Variants in INPP4B observed in about 807,000 individuals in gnomAD.
INPP4B encodes inositol polyphosphate-4-phosphatase type II B.
A neutral mutation model predicts 122.5 loss-of-function variants in INPP4B; 55 were observed. The observed-to-expected ratio is 0.45, with a 90% confidence interval of 0.36 to 0.56. The LOEUF is 0.56. Ranked by LOEUF, INPP4B falls within the 20% of genes least tolerant of loss-of-function variation. INPP4B has a pLI of 0.00. For missense variants in INPP4B, 1,000 were observed against 1,097.7 expected (o/e 0.91, Z 1.26); for synonymous variants, 403 against 388.7 (o/e 1.04, Z -0.43).
chr4:142,498,436 T>G (rs1321234359), intron 2 of INPP4B, among the ~76,000 whole-genome samples: 2 of 152,082 alleles, frequency 1.3e-5, no homozygotes, highest in Admixed American at 6.6e-5. Flanking sequence ...ACTGTGATTT[T>G]GTGAGACAGT....
chr4:142,678,438 A>G (rs146159209), intron 2 of INPP4B, among the ~76,000 whole-genome samples: 1 of 152,046 alleles, frequency 6.6e-6, no homozygotes, highest in East Asian at 1.9e-4. Flanking sequence ...CTCCCATTAG[A>G]CAACTGAGTG....
chr4:142,417,451 A>C (rs1806006804), intron 5 of INPP4B, among the ~76,000 whole-genome samples: 1 of 152,086 alleles, frequency 6.6e-6, no homozygotes, highest in African/African-American at 2.4e-5. Flanking sequence ...AATTATGTTT[A>C]TTCTCACTTA....
chr4:142,760,987 T>G (rs1176615337), intron 1 of INPP4B, among the ~76,000 whole-genome samples: 2 of 152,148 alleles, frequency 1.3e-5, no homozygotes, highest in Admixed American at 1.3e-4. Context: ...CACCCACTAA[T>G]ATAGTACACA....
chr4:142,673,180 G>A (rs978546901), intron 2 of INPP4B, among the ~76,000 whole-genome samples: 4 of 151,920 alleles, frequency 2.6e-5, no homozygotes, highest in African/African-American at 9.7e-5. Flanking sequence ...TTCTAACGTT[G>A]TTCATTTAGA....
intron 12 of INPP4B, among the ~76,000 whole-genome samples, chr4:142,236,449 C>T (rs28533923): frequency 0.14 from 21,173 of 152,102 alleles, 1,797 homozygotes; most frequent in African/African-American, 0.24. Context: ...TCTTAACTTC[C>T]TCTTGCAGTT....
At chr4:142,246,096 GTGTATACACACATATATATATGTGTA>G (rs1561602211) in intron 11 of INPP4B, among the ~76,000 whole-genome samples, 12 of 144,042 alleles carry the variant, frequency 8.3e-5, no homozygotes, top group East Asian at 2.0e-4. Context: ...ATATGTGTGT[GTGTATACACACATATATATATGTGTA>G]TGTATACACA....
intron 2 of INPP4B, among the ~76,000 whole-genome samples, chr4:142,591,098 T>C (rs533408804): frequency 1.3e-5 from 2 of 152,188 alleles, no homozygotes; most frequent in East Asian, 3.9e-4. Context: ...GCAGATCACT[T>C]GAGCCCAGGA....
chr4:142,293,528 T>C (rs1198611817), intron 9 of INPP4B, among the ~76,000 whole-genome samples: 1 of 152,244 alleles, frequency 6.6e-6, no homozygotes, highest in Non-Finnish European at 1.5e-5. Context: ...TTGTTTGATG[T>C]CATCCTTCTC....
chr4:142,445,705 T>C (rs926975577), intron 3 of INPP4B, among the ~76,000 whole-genome samples: 5 of 152,166 alleles, frequency 3.3e-5, no homozygotes, highest in Non-Finnish European at 7.4e-5. Context: ...CTGACACTTA[T>C]AAAATGCTCT....
chr4:142,233,092 T>G (rs761676442), intron 12 of INPP4B, among the ~76,000 whole-genome samples: 15 of 152,306 alleles, frequency 9.8e-5, no homozygotes, highest in Non-Finnish European at 1.5e-5. Flanking sequence ...CAGCAAGTTA[T>G]CCAGAAGATC....
intron 2 of INPP4B, among the ~76,000 whole-genome samples, chr4:142,620,049 A>C (rs1744553395): frequency 6.6e-6 from 1 of 151,980 alleles, no homozygotes; most frequent in Admixed American, 6.6e-5. Context: ...TGCAGAGAAA[A>C]GATAACTCTC....
chr4:142,360,444 A>G (rs997164500), intron 7 of INPP4B, among the ~76,000 whole-genome samples: 1 of 152,026 alleles, frequency 6.6e-6, no homozygotes, highest in African/African-American at 2.4e-5. Flanking sequence ...TCATCATTGC[A>G]GAAGCAAACA....
Position 142,733,305 on chromosome 4 carries a change from T to A in INPP4B, c.-253-7404A>T, listed in dbSNP as rs148442687. Among the ~76,000 whole-genome samples the A allele has an allele frequency of 2.5e-3, 378 of 152,304 alleles. 5 individuals carry two copies. The highest frequency in any genetic ancestry group is 0.018 in the East Asian group (95 of 5,188). On this transcript the variant is annotated intron_variant, in intron 1 of 25. Coordinates refer to ENST00000262992, the MANE Select transcript of INPP4B (RefSeq NM_001101669.3). ...TCAAGGGAAAACATTAAAGTTTGAC[T>A]GCATTTAAATTAAAAACTTCTGTTT...
intron 2 of INPP4B, among the ~76,000 whole-genome samples, chr4:142,648,240 C>G (rs772961079): frequency 1.3e-5 from 2 of 152,230 alleles, no homozygotes; most frequent in Non-Finnish European, 2.9e-5. Flanking sequence ...GTCTTCAGCT[C>G]CCAGCATGAT....
chr4:142,383,443 C>T (rs918110499), intron 7 of INPP4B, among the ~76,000 whole-genome samples: 1 of 152,082 alleles, frequency 6.6e-6, no homozygotes, highest in Non-Finnish European at 1.5e-5. Flanking sequence ...GTGGGTCAAA[C>T]CTAACTGCCT....
intron 3 of INPP4B, among the ~76,000 whole-genome samples, chr4:142,456,740 A>G (rs1023010093): frequency 8.5e-5 from 13 of 152,160 alleles, no homozygotes; most frequent in Non-Finnish European, 1.8e-4. Context: ...TAGAAGACTC[A>G]TTATTGGTAA....
chr4:142,141,348 T>C (rs75469205), intron 18 of INPP4B, among the ~76,000 whole-genome samples: 2 of 152,154 alleles, frequency 1.3e-5, no homozygotes, highest in East Asian at 1.9e-4. Flanking sequence ...ATCTTTAAGA[T>C]GACGTCAAAA....
intron 2 of INPP4B, among the ~76,000 whole-genome samples, chr4:142,550,933 G>T (rs1360978713): frequency 1.3e-5 from 2 of 152,102 alleles, no homozygotes; most frequent in African/African-American, 4.8e-5. Context: ...GGTGTTGTGA[G>T]TATGAAAGAG....
intron 9 of INPP4B, among the ~76,000 whole-genome samples, chr4:142,279,776 CT>C (rs1750325818): frequency 6.6e-6 from 1 of 151,872 alleles, no homozygotes; most frequent in Non-Finnish European, 1.5e-5. Context: ...CAAATTTGCT[CT>C]GTCAAAGACA....
Sources: gnomAD v4.1 joint callset for allele counts (sites outside exome capture counted in the v4.1 genomes callset) on GRCh38, gnomAD v4.1.1 for gene constraint, MANE v1.5 for transcripts, NCBI Gene and HGNC (gene_info 2026-07-23, HGNC 2026-07-21) for gene names.